CEP68: variants seen among roughly 807,000 people sequenced by gnomAD.
CEP68 encodes the protein centrosomal protein of 68 kDa.
CEP68 carries 26 observed loss-of-function variants against 55.3 expected under a neutral mutation model. The ratio of observed to expected loss-of-function variants is 0.47; its 90% CI spans 0.34 to 0.65. CEP68 has a LOEUF of 0.65. Ranked by LOEUF, CEP68 falls within the 30% of genes least tolerant of loss-of-function variation. The pLI is 0.01. For missense variants in CEP68, 957 were observed against 946.7 expected (o/e 1.01, Z -0.14); for synonymous variants, 402 against 383.2 (o/e 1.05, Z -0.57).
In CEP68 at chr2:65,086,433, T is replaced by C. The variant is rs571960378; in HGVS notation, c.*2799T>C. On this transcript the variant is annotated 3_prime_UTR_variant, in exon 7 of 7. Transcript: ENST00000377990. ...GGTATATATTTTTTCCAGAACCACA[T>C]TTATTGGCGTATACATAGAAGCAAA... 3.5e-4 allele frequency: 53 copies of C among 152,342 alleles called. No individual in the cohort carries two copies. Among genetic ancestry groups the C allele is most frequent in the African/African-American group, 1.3e-3 (52 of 41,582 alleles). The allele number at this position is 152,342 out of a possible 1,614,324, so 9.4% of individuals were successfully genotyped here.
chr2:65,068,380 T>C (rs888146411), intron 1 of CEP68, among the ~76,000 whole-genome samples: 4 of 152,202 alleles, frequency 2.6e-5, no homozygotes, highest in Non-Finnish European at 5.9e-5. Flanking sequence ...GTGCTCGGCC[T>C]GTGCTCCCTC....
intron 4 of CEP68, among the ~76,000 whole-genome samples, chr2:65,077,234 G>A (rs1380316973): frequency 1.3e-5 from 2 of 152,140 alleles, no homozygotes; most frequent in Non-Finnish European, 2.9e-5. Flanking sequence ...CTGACCTCAG[G>A]TGATCCGCCC....
rs1255220805 is a variant in CEP68 at position 65,071,704 on chromosome 2, C to T, written c.608C>T (p.Thr203Ile). Reference sequence around the variant, plus strand: ...AGCTGCAGCATCTCTGCTTCCTCCACAGGCAGCAGTCTCCAGGGTCACCAG... The same window carrying T: ...AGCTGCAGCATCTCTGCTTCCTCCATAGGCAGCAGTCTCCAGGGTCACCAG... ...PSSCSISASS[T>I]GSSLQGHQER... Residue 203 changes from threonine to isoleucine, a missense_variant, in exon 3 of 7, where the codon ACA becomes ATA. Thr to Ile is a moderately conservative substitution (Grantham distance 89). Transcript: ENST00000377990. 3.1e-6 allele frequency: 5 copies of T among 1,613,732 alleles called. No homozygotes were observed. Among genetic ancestry groups the T allele is most frequent in the South Asian group, 2.2e-5 (2 of 91,078 alleles).
At chr2:65,080,065 G>A (rs939877991) in intron 5 of CEP68, among the ~76,000 whole-genome samples, 4 of 151,992 alleles carry the variant, frequency 2.6e-5, no homozygotes, top group African/African-American at 7.2e-5. Context: ...CCCAGGAGGT[G>A]GAAGTTGCAG....
In CEP68 at chr2:65,072,906, G is replaced by A; in HGVS notation, c.1810G>A (p.Asp604Asn). 6.2e-7 allele frequency: 1 copy of A among 1,614,186 alleles called. No individual in the cohort carries two copies. Among genetic ancestry groups the A allele is most frequent in the Non-Finnish European group, 8.5e-7 (1 of 1,180,044 alleles). The change falls in exon 3 of 7, where the codon GAC (aspartate) becomes AAC (asparagine). Residue 604 changes from aspartate to asparagine, a missense_variant. Asp to Asn is a conservative substitution (Grantham distance 23). Coordinates refer to ENST00000377990, the MANE Select transcript of CEP68 (RefSeq NM_015147.3). The part of the protein sequence containing the change: ...PARLDRWPFS[D>N]PDVEGQLPRK... ...TAGGTTGGACCGGTGGCCATTCTCA[G>A]ACCCAGATGTTGAAGGGCAGCTTCC... is the stretch of plus-strand genomic sequence containing the variant.
At position 65,069,666 on chromosome 2, in the gene CEP68, C is replaced by T; in HGVS notation, c.222C>T (p.Gly74=). 6.2e-7 allele frequency: 1 copy of T among 1,614,034 alleles called. No homozygotes were observed. The highest frequency in any genetic ancestry group is 8.5e-7 in the Non-Finnish European group (1 of 1,180,032). ...GCTGGATTGGGACTGACCCTGGCGG[C>T]CCCTCTAGAGCCCACCAGCCACAGG... ...PTCWIGTDPG[G]PSRAHQPQAS... is the part of the protein sequence containing the mutation. Residue 74 remains glycine, a synonymous_variant, in exon 2 of 7, where the codon GGC becomes GGT. Coordinates refer to ENST00000377990, the MANE Select transcript of CEP68 (RefSeq NM_015147.3).
intron 4 of CEP68, among the ~76,000 whole-genome samples, chr2:65,076,094 C>T (rs1030203725): frequency 1.3e-5 from 2 of 151,538 alleles, no homozygotes; most frequent in Non-Finnish European, 2.9e-5. Context: ...AGTTCCTCTC[C>T]ACACTGCAGG....
Position 65,082,656 on chromosome 2 carries a change from C to T in CEP68, c.2225C>T (p.Pro742Leu), listed in dbSNP as rs1481325691. 1 of 1,610,298 alleles carries T rather than the reference C, an allele frequency of 6.2e-7. No homozygotes were observed. Among genetic ancestry groups the T allele is most frequent in the African/African-American group, 1.3e-5 (1 of 74,758 alleles). Residue 742 changes from proline to leucine, a missense_variant, in exon 6 of 7, where the codon CCT becomes CTT. Physicochemically the swap from Pro to Leu is moderately conservative, Grantham distance 98. Transcript: ENST00000377990. ...LDMLAGCTLI[P>L]DKKPMAAMEH... is the part of the protein sequence containing the mutation. ...ATGCTGGCTGGCTGCACCCTTATCCCTGACAAAAAGCCCATGGCGGCAATG... is the reference window on the plus strand; with the variant it reads ...ATGCTGGCTGGCTGCACCCTTATCCTTGACAAAAAGCCCATGGCGGCAATG...
In CEP68 at chr2:65,071,568, G is replaced by A. The variant is rs1465907163; in HGVS notation, c.472G>A (p.Ala158Thr). The A allele has an allele frequency of 2.5e-6, 4 of 1,614,052 alleles. No homozygotes were observed. In the Admixed American group the frequency reaches 6.7e-5, roughly 27 times the overall value. ...TGATACCGAAGATGATCCATCCCTA[G>A]CAGATTTGCCCCAGGCACTGGACCT... is the stretch of plus-strand genomic sequence containing the variant. Reference protein sequence around the residue: ...DADTEDDPSLADLPQALDLSQ... With the variant: ...DADTEDDPSLTDLPQALDLSQ... The change falls in exon 3 of 7, where the codon GCA becomes ACA. Residue 158 changes from alanine to threonine, a missense_variant. By Grantham distance (58) the Ala-to-Thr change is moderately conservative (BLOSUM62 0). Coordinates refer to ENST00000377990, the MANE Select transcript of CEP68 (RefSeq NM_015147.3).
intron 1 of CEP68, among the ~76,000 whole-genome samples, chr2:65,062,130 G>A (rs1675937820): frequency 6.6e-6 from 1 of 152,214 alleles, no homozygotes; most frequent in Admixed American, 6.5e-5. Context: ...CCTGGCCTCT[G>A]TGGCTGGCAC....
chr2:65,061,956 T>G (rs1558553929), intron 1 of CEP68, among the ~76,000 whole-genome samples: 1 of 152,236 alleles, frequency 6.6e-6, no homozygotes, highest in East Asian at 1.9e-4. Flanking sequence ...GTGGACAGTT[T>G]CATGTTATTG....
intron 1 of CEP68, among the ~76,000 whole-genome samples, chr2:65,062,927 A>C (rs900974345): frequency 2.6e-5 from 4 of 152,146 alleles, no homozygotes; most frequent in Admixed American, 6.5e-5. Flanking sequence ...GGGTTTAGTC[A>C]AGAGCAAGAG....
intron 2 of CEP68, chr2:65,071,124 C>T (rs745732452): frequency 8.2e-5 from 26 of 315,842 alleles, no homozygotes; most frequent in East Asian, 2.1e-4. Flanking sequence ...TGCCAGGAGA[C>T]GCTTCTCAGA....
chr2:65,068,263 C>T (rs1325215029), intron 1 of CEP68, among the ~76,000 whole-genome samples: 1 of 152,194 alleles, frequency 6.6e-6, no homozygotes, highest in Non-Finnish European at 1.5e-5. Context: ...TCAACTTTTG[C>T]TGGCATGCTT....
chr2:65,058,501 T>G (rs887778187), intron 1 of CEP68, among the ~76,000 whole-genome samples: 6 of 79,314 alleles, frequency 7.6e-5, no homozygotes, highest in African/African-American at 2.3e-4. Flanking sequence ...TTTTTCCTTT[T>G]TTTTTTTTTT....
Position 65,072,511 on chromosome 2 carries a change from CAGAAG to C in CEP68, c.1418_1422del (p.Glu473GlyfsTer5). 6.2e-7 allele frequency: 1 copy of C among 1,614,134 alleles called. No homozygotes were observed. Among genetic ancestry groups the C allele is most frequent in the Non-Finnish European group, 8.5e-7 (1 of 1,180,040 alleles). On this transcript the variant is annotated frameshift_variant, in exon 3 of 7. Coordinates refer to ENST00000377990, the MANE Select transcript of CEP68 (RefSeq NM_015147.3). LOFTEE classifies it high-confidence loss of function. ...ACCTGCACAGAGTCTAGGTGGAAAT[CAGAAG>C]AGGAAGTGGAAAGTGATGACGAGTA...
Position 65,082,784 on chromosome 2 carries a change from T to C in CEP68, c.*4+75T>C, listed in dbSNP as rs1043346558. On this transcript the variant is annotated intron_variant, in intron 6 of 6. Coordinates refer to ENST00000377990, the MANE Select transcript of CEP68 (RefSeq NM_015147.3). ...CAGTTGGCCACTACTTAGAAGCTTG[T>C]TGAGCCAAGAACTATTATTTAAACA... is the stretch of plus-strand genomic sequence containing the variant. 19 of 1,242,482 alleles carry C rather than the reference T, an allele frequency of 1.5e-5. No homozygotes were observed. In the African/African-American group the frequency reaches 2.3e-4, roughly 15 times the overall value. 77.0% of individuals were successfully genotyped at this position (1,242,482 alleles called of 1,614,324 possible).
Position 65,060,082 on chromosome 2 carries a change from T to C in CEP68, c.-47+3554T>C, listed in dbSNP as rs191189470. On this transcript the variant is annotated intron_variant, in intron 1 of 6. Coordinates refer to ENST00000377990, the MANE Select transcript of CEP68 (RefSeq NM_015147.3). ...GTAATAAGATTTTTAATAACAGCAATTGAGGCACATGGAGTGAAAAAAAAA... is the reference window on the plus strand; with the variant it reads ...GTAATAAGATTTTTAATAACAGCAACTGAGGCACATGGAGTGAAAAAAAAA... Among the ~76,000 whole-genome samples, 287 of 152,190 alleles carry C rather than the reference T, an allele frequency of 1.9e-3. 1 individual carries two copies. The highest frequency in any genetic ancestry group is 6.6e-3 in the African/African-American group (274 of 41,496).
chr2:65,071,526 T>A lies in CEP68; in HGVS notation c.430T>A (p.Cys144Ser). 1.9e-6 allele frequency: 3 copies of A among 1,614,182 alleles called. No individual in the cohort carries two copies. Among genetic ancestry groups the A allele is most frequent in the Non-Finnish European group, 2.5e-6 (3 of 1,180,022 alleles). The change falls in exon 3 of 7, where the codon TGC becomes AGC. Residue 144 changes from cysteine to serine, a missense_variant. Physicochemically the swap from Cys to Ser is moderately radical, Grantham distance 112. Coordinates refer to ENST00000377990, the MANE Select transcript of CEP68 (RefSeq NM_015147.3). ...GAGCCTTCCCAGAACAACAACTATT[T>A]GCTCAGGACATGATGCTGATACCGA... ...TLSLPRTTTI[C>S]SGHDADTEDD...
Sources: allele counts gnomAD v4.1 joint callset (sites outside exome capture counted in the v4.1 genomes callset), GRCh38; gene constraint gnomAD v4.1.1; transcripts MANE v1.5; gene names NCBI Gene and HGNC (gene_info 2026-07-23, HGNC 2026-07-21).